PROKR1: variants seen among roughly 807,000 people sequenced by gnomAD.
PROKR1 encodes the protein prokineticin receptor 1.
A neutral mutation model predicts 22.8 loss-of-function variants in PROKR1; 21 were observed. The observed-to-expected ratio is 0.92, with a 90% CI of 0.65 to 1.32. PROKR1 has a LOEUF of 1.32. Ranked by LOEUF, PROKR1 falls within the 40% of genes most tolerant of loss-of-function variation. The pLI is 0.00. For missense variants in PROKR1, 548 were observed against 514.2 expected (o/e 1.07, Z -0.64); for synonymous variants, 193 against 207.5 (o/e 0.93, Z 0.60).
chr2:68,651,275 A>G (rs2104188442), intron 2 of PROKR1, among the ~76,000 whole-genome samples: 1 of 152,238 alleles, frequency 6.6e-6, no homozygotes, highest in East Asian at 1.9e-4. Context: ...GGGTGGGAGG[A>G]ACCCTTGGGC....
chr2:68,651,209 A>G lies in PROKR1; in HGVS notation c.486-3671A>G, dbSNP rs188289881. Among the ~76,000 whole-genome samples the G allele has an allele frequency of 4.0e-4, 61 of 151,898 alleles. 1 individual carries two copies. The South Asian group carries it at 6.3e-3, about 16-fold the overall frequency. On this transcript the variant is annotated intron_variant, in intron 2 of 2. Coordinates refer to ENST00000303786, the MANE Select transcript of PROKR1 (RefSeq NM_138964.4). ...AGATCCTGTCTCTACAAAAGAAAAA[A>G]AAAATTTACCGGGCATGGTGGCATG...
intron 2 of PROKR1, among the ~76,000 whole-genome samples, chr2:68,653,602 C>T (rs1673380755): frequency 6.6e-6 from 1 of 152,048 alleles, no homozygotes; most frequent in Non-Finnish European, 1.5e-5. Flanking sequence ...TGTTTGTTTC[C>T]ACTGTTGACC....
chr2:68,646,407 T>C, intron 2 of PROKR1, 101 bp downstream of exon 2: 1 of 1,520,380 alleles, frequency 6.6e-7, no homozygotes, highest in Non-Finnish European at 9.0e-7. Flanking sequence ...GAGAGGTGTC[T>C]CTATTCCCCC....
intron 2 of PROKR1, among the ~76,000 whole-genome samples, chr2:68,648,721 T>C (rs573975058): frequency 2.0e-5 from 3 of 152,356 alleles, no homozygotes; most frequent in Non-Finnish European, 4.4e-5. Context: ...GAGCAACTAA[T>C]TTTTATCTTG....
rs367994656 is a variant in PROKR1 at position 68,655,170 on chromosome 2, T to A, written c.776T>A (p.Leu259His). 6.2e-7 allele frequency: 1 copy of A among 1,614,082 alleles called. No homozygotes were observed. Among genetic ancestry groups the A allele is most frequent in the African/African-American group, 1.3e-5 (1 of 74,942 alleles). ...TLCYARISRE[L>H]WFKAVPGFQT... ...TGCTATGCCAGGATCTCCCGGGAGC[T>A]CTGGTTCAAGGCGGTCCCTGGATTC... The change falls in exon 3 of 3, where the codon CTC becomes CAC. Residue 259 changes from leucine to histidine, a missense_variant. Physicochemically the swap from Leu to His is moderately conservative, Grantham distance 99. Coordinates refer to ENST00000303786, the MANE Select transcript of PROKR1 (RefSeq NM_138964.4).
Position 68,645,864 on chromosome 2 carries a change from A to C in PROKR1, c.43A>C (p.Thr15Pro). ...MGFMDDNATN[T>P]STSFLSVLNP... ...GTTCATGGATGACAATGCCACCAACACTTCCACCAGCTTCCTTTCTGTGCT... is the reference window on the plus strand; with the variant it reads ...GTTCATGGATGACAATGCCACCAACCCTTCCACCAGCTTCCTTTCTGTGCT... The change falls in exon 2 of 3, where the codon ACT (threonine) becomes CCT (proline). Residue 15 changes from threonine to proline, a missense_variant. Coordinates refer to ENST00000303786, the MANE Select transcript of PROKR1 (RefSeq NM_138964.4). The C allele has an allele frequency of 6.2e-7, 1 of 1,614,094 alleles. No homozygotes were observed. The highest frequency in any genetic ancestry group is 8.5e-7 in the Non-Finnish European group (1 of 1,180,008).
chr2:68,649,075 A>G (rs1673250216), intron 2 of PROKR1, among the ~76,000 whole-genome samples: 1 of 152,236 alleles, frequency 6.6e-6, no homozygotes, highest in African/African-American at 2.4e-5. Context: ...AGGTAAACTA[A>G]TGAACATTTC....
In PROKR1 at chr2:68,655,276, G is replaced by A. The variant is rs1284041879; in HGVS notation, c.882G>A (p.Val294=). The change falls in exon 3 of 3, where the codon GTG becomes GTA. Residue 294 remains valine, a synonymous_variant. Coordinates refer to ENST00000303786, the MANE Select transcript of PROKR1 (RefSeq NM_138964.4). ...LVLMCILTAY[V]LCWAPFYGFT... is the part of the protein sequence containing the mutation. ...TCATGTGCATCCTCACCGCCTACGTGCTATGCTGGGCGCCCTTCTACGGCT... is the reference window on the plus strand; with the variant it reads ...TCATGTGCATCCTCACCGCCTACGTACTATGCTGGGCGCCCTTCTACGGCT... 1 of 1,614,258 alleles carries A rather than the reference G, an allele frequency of 6.2e-7. No homozygotes were observed. The highest frequency in any genetic ancestry group is 8.5e-7 in the Non-Finnish European group (1 of 1,180,052).
At chr2:68,646,779 A>G (rs889017659) in intron 2 of PROKR1, among the ~76,000 whole-genome samples, 4 of 152,310 alleles carry the variant, frequency 2.6e-5, no homozygotes, top group African/African-American at 7.2e-5. Flanking sequence ...TGTGGTAAAC[A>G]GTTCAAGCCT....
intron 2 of PROKR1, among the ~76,000 whole-genome samples, chr2:68,647,960 T>G (rs558734903): frequency 6.6e-6 from 1 of 152,356 alleles, no homozygotes; most frequent in African/African-American, 2.4e-5. Context: ...CGTAGGTTCC[T>G]TTCAAAGCTG....
intron 1 of PROKR1, among the ~76,000 whole-genome samples, chr2:68,644,788 G>A (rs1323984268): frequency 6.6e-6 from 1 of 152,116 alleles, no homozygotes; most frequent in Non-Finnish European, 1.5e-5. Context: ...CAGGGGACAG[G>A]GGGACTCTGG....
In PROKR1 at chr2:68,643,865, C is replaced by G. The variant is rs955687183; in HGVS notation, c.-161+17C>G. 1 of 152,316 alleles carries G rather than the reference C, an allele frequency of 6.6e-6. No homozygotes were observed. The highest frequency in any genetic ancestry group is 1.5e-5 in the Non-Finnish European group (1 of 68,092). 9.4% of individuals were successfully genotyped at this position (152,316 alleles called of 1,614,324 possible). On this transcript the variant is annotated intron_variant, in intron 1 of 2. Coordinates refer to ENST00000303786, the MANE Select transcript of PROKR1 (RefSeq NM_138964.4). ...ATGCCGCAGGTACAGAGCGCGCCCT[C>G]CCGGGGAGGATGCTCCAGGGACCCC... is the stretch of plus-strand genomic sequence containing the variant.
chr2:68,644,511 G>T (rs1006401129), intron 1 of PROKR1, among the ~76,000 whole-genome samples: 1 of 152,172 alleles, frequency 6.6e-6, no homozygotes, highest in African/African-American at 2.4e-5. Context: ...TCACTGGGGC[G>T]CAGAGGGACT....
chr2:68,654,969 T>G lies in PROKR1; in HGVS notation c.575T>G (p.Leu192Arg). The change falls in exon 3 of 3, where the codon CTG becomes CGG. Residue 192 changes from leucine to arginine, a missense_variant. Physicochemically the swap from Leu to Arg is moderately radical, Grantham distance 102. Transcript: ENST00000303786. ...GCCTTGGTGTGGACGGTGTCCATCC[T>G]GATCGCCATCCCTTCCGCCTACTTC... ...LIALVWTVSI[L>R]IAIPSAYFTT... is the part of the protein sequence containing the mutation. 6.2e-7 allele frequency: 1 copy of G among 1,613,704 alleles called. No homozygotes were observed. The highest frequency in any genetic ancestry group is 1.1e-5 in the South Asian group (1 of 91,084).
At chr2:68,651,895 C>T (rs1270282932) in intron 2 of PROKR1, among the ~76,000 whole-genome samples, 1 of 152,230 alleles carries the variant, frequency 6.6e-6, no homozygotes, top group East Asian at 1.9e-4. Flanking sequence ...GGCAGACACA[C>T]AGGGCAAGCC....
intron 2 of PROKR1, chr2:68,649,449 T>C (rs888412488): frequency 3.9e-5 from 6 of 152,204 alleles, no homozygotes; most frequent in Non-Finnish European, 8.8e-5. Context: ...CATTCATTCA[T>C]TCATTTAAAC....
chr2:68,651,522 GA>G (rs992918993), intron 2 of PROKR1, among the ~76,000 whole-genome samples: 13 of 152,202 alleles, frequency 8.5e-5, no homozygotes, highest in Admixed American at 2.6e-4. Context: ...AAACTGGCCA[GA>G]AAAGTACCTG....
intron 2 of PROKR1, among the ~76,000 whole-genome samples, chr2:68,654,220 G>A (rs959042035): frequency 3.3e-5 from 5 of 152,194 alleles, no homozygotes; most frequent in Admixed American, 2.0e-4. Flanking sequence ...AGAATGAACA[G>A]CCCAAGAACA....
chr2:68,654,940 G>A lies in PROKR1; in HGVS notation c.546G>A (p.Leu182=). The part of the protein sequence containing the change: ...PRMKCQTATG[L]IALVWTVSIL... ...TGAAGTGCCAAACAGCCACTGGCCT[G>A]ATTGCCTTGGTGTGGACGGTGTCCA... Residue 182 remains leucine (L), a synonymous_variant, in exon 3 of 3, where the codon CTG becomes CTA. Transcript: ENST00000303786. The A allele has an allele frequency of 6.2e-7, 1 of 1,613,850 alleles. No homozygotes were observed. Among genetic ancestry groups the A allele is most frequent in the South Asian group, 1.1e-5 (1 of 91,074 alleles).
Sources: gnomAD v4.1 joint callset for allele counts (sites outside exome capture counted in the v4.1 genomes callset) on GRCh38, gnomAD v4.1.1 for gene constraint, MANE v1.5 for transcripts, NCBI Gene and HGNC (gene_info 2026-07-23, HGNC 2026-07-21) for gene names.